Variants in A2M observed in about 807,000 individuals in gnomAD.
A2M encodes C3 and PZP-like alpha-2-macroglobulin domain-containing protein 5.
Under a neutral mutation model 183.9 loss-of-function variants are expected in A2M, and 128 were observed. That is an observed-to-expected ratio of 0.70 (90% confidence interval 0.60 to 0.81). The LOEUF (loss-of-function observed/expected upper bound fraction) is 0.81, where lower values mean the gene tolerates loss of function less well. A2M is among the 30% of genes least tolerant of loss of function. The pLI is 0.00. For missense variants in A2M, 1,495 were observed against 1,787.6 expected (o/e 0.84, Z 2.95); for synonymous variants, 592 against 670.8 (o/e 0.88, Z 1.81).
At chr12:9,085,715 G>A (rs7135781) in intron 22 of A2M, among the ~76,000 whole-genome samples, 56,981 of 151,400 alleles carry the variant, frequency 0.38, 11,372 homozygotes, top group African/African-American at 0.49. Flanking sequence ...CAATGAAACT[G>A]AATTGTTTTT....
At chr12:9,107,689 C>G in intron 7 of A2M, 45 bp from the exon 8 acceptor site, 1 of 1,603,126 alleles carries the variant, frequency 6.2e-7, no homozygotes, top group South Asian at 1.1e-5. Flanking sequence ...GACACTGAAC[C>G]TCCCCATTTT....
Position 9,079,249 on chromosome 12 carries a change from G to A in A2M, c.3114C>T (p.Asn1038=), listed in dbSNP as rs1948835031. The change falls in exon 25 of 36, where the codon AAC becomes AAT. Residue 1038 remains asparagine, a synonymous_variant. Coordinates refer to ENST00000318602, the MANE Select transcript of A2M (RefSeq NM_000014.6). Reference sequence around the variant, plus strand: ...AAAAATTGTTCTTTCCTTACCAGGTGTTGCCCTGGTTCCTGCCATATCGCT... The same window carrying A: ...AAAAATTGTTCTTTCCTTACCAGGTATTGCCCTGGTTCCTGCCATATCGCT... The part of the protein sequence containing the change: ...FGERYGRNQG[N]TWLTAFVLKT... 3 of 1,613,018 alleles carry A rather than the reference G, an allele frequency of 1.9e-6. No individual in the cohort carries two copies. The highest frequency in any genetic ancestry group is 2.5e-6 in the Non-Finnish European group (3 of 1,179,410).
At chr12:9,097,632 C>CT (rs34844537) in intron 15 of A2M, among the ~76,000 whole-genome samples, 2,382 of 127,092 alleles carry the variant, frequency 0.019, 63 homozygotes, top group African/African-American at 0.046. Context: ...TGATGTAATT[C>CT]TTTTTTTTTT....
intron 18 of A2M, 103 bp from the exon 19 acceptor site, chr12:9,091,532 C>T: frequency 4.2e-6 from 5 of 1,199,046 alleles, no homozygotes; most frequent in Non-Finnish European, 5.9e-6. Context: ...CTTAAAAACA[C>T]TCAATAGAAA....
chr12:9,111,666 T>C, intron 4 of A2M: 3 of 390,056 alleles, frequency 7.7e-6, no homozygotes, highest in South Asian at 5.9e-5. Flanking sequence ...AAGAAGTTAA[T>C]TTGGGAGAGA....
In A2M at chr12:9,095,613, T is replaced by C. The variant is rs778194319; in HGVS notation, c.1939A>G (p.Asn647Asp). The part of the protein sequence containing the change: ...QDNEDCINRH[N>D]VYINGITYTP... ...TATGTGATTCCATTAATATAGACAT[T>C]ATGACGATTGATGCAGTCTTCATTG... The change falls in exon 16 of 36, where the codon AAT becomes GAT. Residue 647 changes from asparagine to aspartate, a missense_variant. By Grantham distance (23) the Asn-to-Asp change is conservative. Transcript: ENST00000318602. 1 of 1,611,374 alleles carries C rather than the reference T, an allele frequency of 6.2e-7. No homozygotes were observed. The highest frequency in any genetic ancestry group is 8.5e-7 in the Non-Finnish European group (1 of 1,177,514).
rs777638006 is a variant in A2M, at chr12:9,070,559, C to A, written c.4123G>T (p.Ala1375Ser). The change falls in exon 32 of 36, where the codon GCC becomes TCC. Residue 1375 changes from alanine (A) to serine (S), a missense_variant. Ala to Ser is a moderately conservative substitution (Grantham distance 99). Coordinates refer to ENST00000318602, the MANE Select transcript of A2M (RefSeq NM_000014.6). ...LSVSYTGSRS[A>S]SNMAIVDVKM... The stretch of plus-strand genomic sequence containing the variant: ...ACATCAACGATCGCCATGTTGGAGG[C>A]AGAGCGGCTCCCTGTGTAACTGAGG... 7.4e-6 allele frequency: 12 copies of A among 1,613,534 alleles called. No individual in the cohort carries two copies. The African/African-American group carries it at 1.5e-4, about 20-fold the overall frequency.
At chr12:9,112,907 G>A (rs185756332) in intron 2 of A2M, among the ~76,000 whole-genome samples, 2 of 152,186 alleles carry the variant, frequency 1.3e-5, no homozygotes, top group East Asian at 3.9e-4. Context: ...ACTGACACTA[G>A]GCTGTAAGCA....
intron 4 of A2M, chr12:9,111,445 T>C: frequency 2.2e-6 from 1 of 450,600 alleles, no homozygotes; most frequent in South Asian, 1.6e-5. Context: ...AAGGTTATTG[T>C]AATGATCTTA....
chr12:9,093,319 C>CTATG, intron 18 of A2M, 146 bp downstream of exon 18: 1 of 575,580 alleles, frequency 1.7e-6, no homozygotes, highest in Non-Finnish European at 3.1e-6. Context: ...AATCATTTCA[C>CTATG]TATGTGTATG....
At chr12:9,107,857 A>G (rs970840593) in intron 7 of A2M, among the ~76,000 whole-genome samples, 1 of 151,652 alleles carries the variant, frequency 6.6e-6, no homozygotes, top group East Asian at 1.9e-4. Flanking sequence ...TTCTTTTATC[A>G]TTTCTTTTTT....
rs1352586405 is a variant in A2M, at chr12:9,068,813, G to A, written c.4293C>T (p.Phe1431=). Residue 1431 remains phenylalanine (F), a synonymous_variant, in exon 34 of 36, where the codon TTC becomes TTT. Coordinates refer to ENST00000318602, the MANE Select transcript of A2M (RefSeq NM_000014.6). ...TTACTGGGACATCTTGCAGAACCGT[G>A]AAGAACAAGCTCAGTGTCTGATTTG... ...KVSNQTLSLF[F]TVLQDVPVRD... is the part of the protein sequence containing the mutation. 3.7e-6 allele frequency: 6 copies of A among 1,606,982 alleles called. No homozygotes were observed. In the African/African-American group the frequency reaches 4.0e-5, roughly 11 times the overall value.
rs1948438706 is a variant in A2M, at chr12:9,067,789, G to T, written c.*34C>A. On this transcript the variant is annotated 3_prime_UTR_variant, in exon 36 of 36. Transcript: ENST00000318602. ...GTCTTCTGTGGAGCTCTGAGAACAG[G>T]ACTCCAGCAAAGCACTTTTCAGCCT... 1 of 1,606,626 alleles carries T rather than the reference G, an allele frequency of 6.2e-7. No homozygotes were observed. The highest frequency in any genetic ancestry group is 1.1e-5 in the South Asian group (1 of 90,270).
At chr12:9,071,445 T>C (rs980724548) in intron 31 of A2M, among the ~76,000 whole-genome samples, 141 of 152,206 alleles carry the variant, frequency 9.3e-4, no homozygotes, top group African/African-American at 3.1e-3. Flanking sequence ...TATATATATA[T>C]ACTTAACTTT....
intron 18 of A2M, 54 bp from the exon 19 acceptor site, chr12:9,091,483 C>G: frequency 6.4e-7 from 1 of 1,573,390 alleles, no homozygotes; most frequent in South Asian, 1.1e-5. Context: ...TACATCCTTT[C>G]TAGGGAGAGA....
chr12:9,111,984 C>T, intron 4 of A2M, 175 bp downstream of exon 4: 1 of 776,444 alleles, frequency 1.3e-6, no homozygotes, highest in Non-Finnish European at 2.4e-6. Flanking sequence ...AAAGAATTAC[C>T]TACTTTCTTT....
chr12:9,106,149 C>A, intron 10 of A2M, 87 bp downstream of exon 10: 1 of 737,884 alleles, frequency 1.4e-6, no homozygotes, highest in Non-Finnish European at 2.3e-6. Context: ...ATAACATTAA[C>A]CAGGCATGGT....
At chr12:9,089,279 G>A in intron 21 of A2M, 28 bp from the exon 22 acceptor site, 1 of 1,508,052 alleles carries the variant, frequency 6.6e-7, no homozygotes, top group Non-Finnish European at 9.1e-7. Flanking sequence ...AAAAGCTAGT[G>A]AGAATGGACT....
At position 9,072,792 on chromosome 12, in the gene A2M, G is replaced by A. The variant is rs1948618055; in HGVS notation, c.3836C>T (p.Thr1279Ile). 1 of 1,614,220 alleles carries A rather than the reference G, an allele frequency of 6.2e-7. No homozygotes were observed. Among genetic ancestry groups the A allele is most frequent in the Non-Finnish European group, 8.5e-7 (1 of 1,180,044 alleles). The stretch of plus-strand genomic sequence containing the variant: ...GGAAAATGTCCCTGAAGACTGGATA[G>A]TCACCTGTGCAGCCTTCCCAGTCCT... ...FTRTGKAAQVTIQSSGTFSSK... is the reference protein window; with the variant it reads ...FTRTGKAAQVIIQSSGTFSSK... Residue 1279 changes from threonine to isoleucine, a missense_variant, in exon 30 of 36, where the codon ACT (threonine) becomes ATT (isoleucine). Coordinates refer to ENST00000318602, the MANE Select transcript of A2M (RefSeq NM_000014.6).
Sources: allele counts gnomAD v4.1 joint callset (sites outside exome capture counted in the v4.1 genomes callset), GRCh38; gene constraint gnomAD v4.1.1; transcripts MANE v1.5; gene names NCBI Gene and HGNC (gene_info 2026-07-23, HGNC 2026-07-21).